The following TCERG1L variants were observed in gnomAD, a reference collection of about 807,000 sequenced individuals.
The protein encoded by TCERG1L is transcription elongation regulator 1-like protein.
A neutral mutation model predicts 56.3 loss-of-function variants in TCERG1L; 37 were observed. The observed-to-expected ratio is 0.66, with a 90% CI of 0.51 to 0.87. The LOEUF is 0.87. Ranked by LOEUF, TCERG1L falls within the 40% of genes least tolerant of loss-of-function variation. TCERG1L has a pLI of 0.00. For missense variants in TCERG1L, 799 were observed against 774.2 expected (o/e 1.03, Z -0.38); for synonymous variants, 324 against 326.3 (o/e 0.99, Z 0.08).
rs1041210952 is a variant in TCERG1L at position 131,129,436 on chromosome 10, C to T, written c.1259+4943G>A. On this transcript the variant is annotated intron_variant, in intron 8 of 11. Coordinates refer to ENST00000368642, the MANE Select transcript of TCERG1L (RefSeq NM_174937.4). ...GGGCACTGACCAAAGCAGAAAAACG[C>T]TGGCGTTGAGCTGATGCTGGGAAAT... 5.3e-5 allele frequency among the ~76,000 whole-genome samples: 8 copies of T among 152,354 alleles called. No homozygotes were observed. The South Asian group carries it at 1.7e-3, about 32-fold the overall frequency.
chr10:131,268,090 G>A (rs889109551), intron 3 of TCERG1L, among the ~76,000 whole-genome samples: 11 of 152,080 alleles, frequency 7.2e-5, no homozygotes, highest in Non-Finnish European at 1.2e-4. Flanking sequence ...CTAAGACCAC[G>A]GGAATGCCCT....
At chr10:131,206,332 G>A (rs1248101758) in intron 4 of TCERG1L, among the ~76,000 whole-genome samples, 1 of 152,134 alleles carries the variant, frequency 6.6e-6, no homozygotes, top group Non-Finnish European at 1.5e-5. Context: ...CCCTCCAAGG[G>A]GGTCCTGGAG....
At chr10:131,154,407 G>A (rs1271081820) in intron 6 of TCERG1L, among the ~76,000 whole-genome samples, 1 of 152,134 alleles carries the variant, frequency 6.6e-6, no homozygotes, top group African/African-American at 2.4e-5. Context: ...CTGGATCCCT[G>A]TCTCCATCCA....
At position 131,130,070 on chromosome 10, in the gene TCERG1L, C is replaced by T. The variant is rs777316654; in HGVS notation, c.1259+4309G>A. Reference sequence around the variant, plus strand: ...TTCAGGCTGCTGATAAAGACATATCCGAGACTGGGTGATTTATAAAAAAAA... The same window carrying T: ...TTCAGGCTGCTGATAAAGACATATCTGAGACTGGGTGATTTATAAAAAAAA... On this transcript the variant is annotated intron_variant, in intron 8 of 11. Coordinates refer to ENST00000368642, the MANE Select transcript of TCERG1L (RefSeq NM_174937.4). Among the ~76,000 whole-genome samples, 83 of 148,972 alleles carry T rather than the reference C, an allele frequency of 5.6e-4. 1 individual carries two copies. The highest frequency in any genetic ancestry group is 3.4e-3 in the Middle Eastern group (1 of 292).
At chr10:131,127,993 T>G (rs1255675415) in intron 8 of TCERG1L, among the ~76,000 whole-genome samples, 1 of 152,174 alleles carries the variant, frequency 6.6e-6, no homozygotes, top group Non-Finnish European at 1.5e-5. Flanking sequence ...TTCAGCTGAC[T>G]ATTCAAAAAG....
At chr10:131,230,309 G>A (rs1011681440) in intron 4 of TCERG1L, among the ~76,000 whole-genome samples, 4 of 152,218 alleles carry the variant, frequency 2.6e-5, no homozygotes, top group Admixed American at 6.5e-5. Context: ...TCTGAACAGC[G>A]CGTGCTGCTG....
chr10:131,114,698 C>A (rs888393343), intron 9 of TCERG1L, among the ~76,000 whole-genome samples: 1 of 151,964 alleles, frequency 6.6e-6, no homozygotes, highest in South Asian at 2.1e-4. Context: ...CATCCCTGCC[C>A]GGGAAGGGAA....
chr10:131,169,895 A>G (rs1846071093), intron 4 of TCERG1L, among the ~76,000 whole-genome samples: 1 of 152,120 alleles, frequency 6.6e-6, no homozygotes, highest in Non-Finnish European at 1.5e-5. Context: ...CATTACCTTG[A>G]GAAAACATAT....
chr10:131,261,076 G>C (rs1846233655), intron 3 of TCERG1L, among the ~76,000 whole-genome samples: 2 of 152,200 alleles, frequency 1.3e-5, no homozygotes, highest in African/African-American at 4.8e-5. Context: ...AGCTGCTGCA[G>C]GAGACACCCA....
rs1846228789 is a variant in TCERG1L at position 131,260,646 on chromosome 10, T to C, written c.671-202A>G. Reference sequence around the variant, plus strand: ...GTTCTCCATCAGTCAAACGCTGCCATGCAACCAGTGCACACACAGAGCCGT... The same window carrying C: ...GTTCTCCATCAGTCAAACGCTGCCACGCAACCAGTGCACACACAGAGCCGT... On this transcript the variant is annotated intron_variant, in intron 3 of 11. Transcript: ENST00000368642. This position sits in a 1 kb window ranked among gnomAD's most constrained non-coding sequence, Gnocchi z 5.8. 6.6e-6 allele frequency among the ~76,000 whole-genome samples: 1 copy of C among 152,140 alleles called. No individual in the cohort carries two copies. The highest frequency in any genetic ancestry group is 6.5e-5 in the Admixed American group (1 of 15,284).
intron 4 of TCERG1L, among the ~76,000 whole-genome samples, chr10:131,220,511 C>G (rs1320927685): frequency 6.6e-6 from 1 of 152,228 alleles, no homozygotes; most frequent in Admixed American, 6.5e-5. Context: ...CTACTCAACT[C>G]TGGCTACTGA....
At chr10:131,200,376 G>C (rs1319998703) in intron 4 of TCERG1L, among the ~76,000 whole-genome samples, 2 of 152,164 alleles carry the variant, frequency 1.3e-5, no homozygotes, top group African/African-American at 4.8e-5. Context: ...GAGTGTGGAG[G>C]GCCCAACCCC....
At chr10:131,237,650 G>A (rs377142216) in intron 4 of TCERG1L, among the ~76,000 whole-genome samples, 48 of 152,278 alleles carry the variant, frequency 3.2e-4, no homozygotes, top group Non-Finnish European at 5.1e-4. Context: ...AAAGGAAGAC[G>A]TTCCTAGGAG....
intron 7 of TCERG1L, among the ~76,000 whole-genome samples, chr10:131,140,160 C>A (rs1269782513): frequency 2.0e-5 from 3 of 152,220 alleles, no homozygotes; most frequent in African/African-American, 7.2e-5. Flanking sequence ...CTCTCATACG[C>A]AGAATGCACC....
At chr10:131,305,475 CAG>C (rs1216073130) in intron 3 of TCERG1L, among the ~76,000 whole-genome samples, 1 of 152,038 alleles carries the variant, frequency 6.6e-6, no homozygotes, top group Non-Finnish European at 1.5e-5. Context: ...CCATCTCTAC[CAG>C]AGAGATTCCA....
chr10:131,111,651 C>T (rs941470875), intron 9 of TCERG1L, among the ~76,000 whole-genome samples: 4 of 142,758 alleles, frequency 2.8e-5, no homozygotes, highest in African/African-American at 9.9e-5. Flanking sequence ...AATACGGTCA[C>T]GATTTCCTCG....
At chr10:131,273,836 C>T (rs1368948180) in intron 3 of TCERG1L, among the ~76,000 whole-genome samples, 3 of 152,092 alleles carry the variant, frequency 2.0e-5, no homozygotes, top group Admixed American at 6.5e-5. Flanking sequence ...AAGTGGATGC[C>T]GGGAAGCCCC....
chr10:131,265,679 G>A (rs1220606240), intron 3 of TCERG1L, among the ~76,000 whole-genome samples: 1 of 152,196 alleles, frequency 6.6e-6, no homozygotes, highest in Non-Finnish European at 1.5e-5. Flanking sequence ...AGTGTAGTCT[G>A]TTAAATGTGC....
chr10:131,298,528 C>T (rs1032993950), intron 3 of TCERG1L, among the ~76,000 whole-genome samples: 2 of 152,114 alleles, frequency 1.3e-5, no homozygotes, highest in African/African-American at 4.8e-5. Context: ...ATTCTCCTAC[C>T]TCAGCCTCCC....
Sources: allele counts gnomAD v4.1 joint callset (sites outside exome capture counted in the v4.1 genomes callset), GRCh38; gene constraint gnomAD v4.1.1; non-coding constraint Gnocchi (gnomAD v3.1); transcripts MANE v1.5; gene names NCBI Gene and HGNC (gene_info 2026-07-23, HGNC 2026-07-21).